The following CLNK variants were observed in gnomAD, a reference collection of about 807,000 sequenced individuals.
CLNK encodes the protein cytokine dependent hematopoietic cell linker, also known as cytokine-dependent hematopoietic cell linker.
A neutral mutation model predicts 68.6 loss-of-function variants in CLNK; 74 were observed. That is an observed-to-expected ratio of 1.08 (90% CI 0.89 to 1.31). CLNK has a LOEUF of 1.31. Ranked by LOEUF, CLNK falls within the 50% of genes most tolerant of loss-of-function variation. The probability of loss-of-function intolerance (pLI) is 0.00; values close to 1 mark genes in which losing one functional copy is unlikely to be tolerated. For missense variants in CLNK, 553 were observed against 515.3 expected (o/e 1.07, Z -0.71); for synonymous variants, 198 against 172.2 (o/e 1.15, Z -1.17).
chr4:10,578,362 C>A lies in CLNK; in HGVS notation c.112+6565G>T, dbSNP rs150914116. Among the ~76,000 whole-genome samples the A allele has an allele frequency of 1.7e-3, 252 of 152,236 alleles. 1 individual carries two copies. Among genetic ancestry groups the A allele is most frequent in the African/African-American group, 5.6e-3 (231 of 41,526 alleles). On this transcript the variant is annotated intron_variant, in intron 4 of 18. Coordinates refer to ENST00000226951, the MANE Select transcript of CLNK (RefSeq NM_052964.4). ...TTGATATCCACCTGCTGATTCTTCA[C>A]AAGGGTTCTTCAAGCTGGGATCCCC...
Position 10,490,269 on chromosome 4 carries a change from T to G in CLNK, c.*198A>C. On this transcript the variant is annotated 3_prime_UTR_variant, in exon 19 of 19. Coordinates refer to ENST00000226951, the MANE Select transcript of CLNK (RefSeq NM_052964.4). The stretch of plus-strand genomic sequence containing the variant: ...CCAGTTACTAGAATGTTTTTATTTT[T>G]TGCATGTTATAAATATTTTCTCTGT... The G allele has an allele frequency of 2.2e-6, 1 of 459,866 alleles. No homozygotes were observed. The highest frequency in any genetic ancestry group is 3.7e-6 in the Non-Finnish European group (1 of 267,070). 28.5% of individuals were successfully genotyped at this position (459,866 alleles called of 1,614,324 possible).
chr4:10,724,402 T>G, the CLNK span, among the ~76,000 whole-genome samples: 2 of 152,120 alleles, frequency 1.3e-5, no homozygotes, highest in Non-Finnish European at 2.9e-5. Context: ...TTCTCATCCT[T>G]CTCTACCTTT....
chr4:10,584,532 C>G (rs559372945), intron 4 of CLNK, among the ~76,000 whole-genome samples: 1 of 152,270 alleles, frequency 6.6e-6, no homozygotes, highest in South Asian at 2.1e-4. Flanking sequence ...GCTTTTGAAC[C>G]ATTCATTCTT....
chr4:10,610,909 C>T (rs781120110), intron 2 of CLNK, among the ~76,000 whole-genome samples: 5 of 152,070 alleles, frequency 3.3e-5, no homozygotes, highest in Non-Finnish European at 5.9e-5. Context: ...ATGAGCTGGC[C>T]ATGGTGGTTC....
chr4:10,680,347 TCA>T (rs1408300786), intron 1 of CLNK, among the ~76,000 whole-genome samples: 1 of 117,292 alleles, frequency 8.5e-6, no homozygotes, highest in African/African-American at 3.4e-5. Flanking sequence ...AAGGGGAACA[TCA>T]CACACTGGGG....
At chr4:10,696,785 A>C in the CLNK span, among the ~76,000 whole-genome samples, 1 of 152,124 alleles carries the variant, frequency 6.6e-6, no homozygotes, top group Admixed American at 6.5e-5. Flanking sequence ...TCAATCATAA[A>C]TGCTTTAGGT....
chr4:10,696,672 T>C, the CLNK span, among the ~76,000 whole-genome samples: 1 of 152,180 alleles, frequency 6.6e-6, no homozygotes, highest in African/African-American at 2.4e-5. Context: ...AAGCACTCAA[T>C]AGCCGAAAGT....
rs531613083 is a variant in CLNK, at chr4:10,666,951, T to C, written c.11+908A>G. ...TCTTGGACCAGAGCCCTCCAGCCAG[T>C]GCCCACCTGCGAGGTACAGTCATTG... On this transcript the variant is annotated intron_variant, in intron 2 of 18. Coordinates refer to ENST00000226951, the MANE Select transcript of CLNK (RefSeq NM_052964.4). Among the ~76,000 whole-genome samples, 4 of 152,328 alleles carry C rather than the reference T, an allele frequency of 2.6e-5. No homozygotes were observed. The South Asian group carries it at 6.2e-4, about 24-fold the overall frequency.
chr4:10,540,661 A>G, intron 10 of CLNK, 57 bp from the exon 11 acceptor site: 1 of 1,222,840 alleles, frequency 8.2e-7, no homozygotes, highest in African/African-American at 1.5e-5. Flanking sequence ...GTGATGCCTC[A>G]GGCCCTGAAT....
chr4:10,628,299 T>G (rs1390783837), intron 2 of CLNK, among the ~76,000 whole-genome samples: 1 of 136,424 alleles, frequency 7.3e-6, no homozygotes, highest in East Asian at 2.2e-4. Flanking sequence ...AAAAGGCTTG[T>G]TTAGTTAGAC....
intron 2 of CLNK, among the ~76,000 whole-genome samples, chr4:10,627,680 T>C (rs1722728119): frequency 6.6e-6 from 1 of 152,020 alleles, no homozygotes; most frequent in African/African-American, 2.4e-5. Flanking sequence ...TGCAGGGTGA[T>C]TGCTAACTAC....
chr4:10,533,811 T>G (rs1375565496), intron 11 of CLNK, among the ~76,000 whole-genome samples: 1 of 152,232 alleles, frequency 6.6e-6, no homozygotes, highest in Non-Finnish European at 1.5e-5. Context: ...AAGTTACAAG[T>G]GTCAAGATGT....
intron 3 of CLNK, among the ~76,000 whole-genome samples, chr4:10,591,551 A>G (rs1390451307): frequency 1.3e-5 from 2 of 152,242 alleles, no homozygotes; most frequent in African/African-American, 4.8e-5. Flanking sequence ...AGGCACATGC[A>G]GAGGGAAATA....
chr4:10,673,312 C>T (rs1236968311), intron 1 of CLNK, among the ~76,000 whole-genome samples: 2 of 152,186 alleles, frequency 1.3e-5, no homozygotes, highest in African/African-American at 4.8e-5. Context: ...TTCTATGGAA[C>T]AGGTTCTTAC....
chr4:10,524,918 TGA>T (rs1337198091), intron 14 of CLNK, among the ~76,000 whole-genome samples: 3 of 151,596 alleles, frequency 2.0e-5, no homozygotes, highest in Admixed American at 6.6e-5. Context: ...GTGCCGAGAG[TGA>T]GAGGAAAGTG....
Position 10,564,702 on chromosome 4 carries a change from G to A in CLNK, c.368C>T (p.Pro123Leu), listed in dbSNP as rs555801267. 142 of 1,613,348 alleles carry A rather than the reference G, an allele frequency of 8.8e-5. No homozygotes were observed. In the South Asian group the frequency reaches 9.2e-4, roughly 10 times the overall value. ...CAACCTCGTCTGTGTGTTCCAGGTC[G>A]GCTGTCCAATGGAGATAGAGGTCCT... ...DTRTSISIGQ[P>L]TWNTQTRLER... The change falls in exon 7 of 19, where the codon CCG becomes CTG. Residue 123 changes from proline to leucine, a missense_variant. Pro to Leu is a moderately conservative substitution (Grantham distance 98). Transcript: ENST00000226951.
chr4:10,502,625 G>A (rs1406850818), intron 17 of CLNK, among the ~76,000 whole-genome samples: 3 of 151,720 alleles, frequency 2.0e-5, no homozygotes, highest in South Asian at 2.1e-4. Context: ...GCCACAGCAG[G>A]CTTTGAGCAG....
chr4:10,496,222 T>A (rs1458477577), intron 18 of CLNK, among the ~76,000 whole-genome samples: 1 of 152,204 alleles, frequency 6.6e-6, no homozygotes, highest in Non-Finnish European at 1.5e-5. Context: ...CTACATGAAA[T>A]TAAAATAATC....
intron 2 of CLNK, among the ~76,000 whole-genome samples, chr4:10,646,045 A>T (rs1723498340): frequency 6.6e-6 from 1 of 152,194 alleles, no homozygotes; most frequent in Admixed American, 6.5e-5. Context: ...ATCTAACATT[A>T]TGAATGGAAG....
Sources: gnomAD v4.1 joint callset for allele counts (sites outside exome capture counted in the v4.1 genomes callset) on GRCh38, gnomAD v4.1.1 for gene constraint, MANE v1.5 for transcripts, NCBI Gene and HGNC (gene_info 2026-07-23, HGNC 2026-07-21) for gene names.